Variants in LARP1 observed in about 807,000 individuals in gnomAD.
LARP1 encodes La ribonucleoprotein 1, translational regulator.
A neutral mutation model predicts 122.7 loss-of-function variants in LARP1; 36 were observed. That is an observed-to-expected ratio of 0.29 (90% CI 0.22 to 0.39). LARP1 has a LOEUF of 0.39. Ranked by LOEUF, LARP1 falls within the 10% of genes least tolerant of loss-of-function variation. LARP1 has a pLI of 1.00. For missense variants in LARP1, 1,040 were observed against 1,403.6 expected (o/e 0.74, Z 4.14); for synonymous variants, 539 against 528.7 (o/e 1.02, Z -0.27).
chr5:154,771,015 G>A (rs73276760), intron 1 of LARP1, among the ~76,000 whole-genome samples: 7,807 of 151,980 alleles, frequency 0.051, 353 homozygotes, highest in African/African-American at 0.13. Flanking sequence ...GGGTGGCTGA[G>A]GTGAGAGAGT....
intron 8 of LARP1, among the ~76,000 whole-genome samples, chr5:154,796,958 A>G (rs573724201): frequency 6.6e-6 from 1 of 152,180 alleles, no homozygotes; most frequent in Admixed American, 6.5e-5. Context: ...AAACGTATTT[A>G]TTTTGGTCCA....
intron 17 of LARP1, 61 bp downstream of exon 17, chr5:154,811,417 G>A (rs1759261207): frequency 1.2e-6 from 2 of 1,605,012 alleles, no homozygotes; most frequent in African/African-American, 1.3e-5. Flanking sequence ...TTCCCCAGTT[G>A]GACCTGGGTC....
At position 154,800,044 on chromosome 5, in the gene LARP1, T is replaced by A. The variant is rs1263502846; in HGVS notation, c.1716+2T>A. On this transcript the variant is annotated splice_donor_variant, in intron 10 of 18. Coordinates refer to ENST00000518297, the MANE Select transcript of LARP1 (RefSeq NM_033551.3). LOFTEE classifies it high-confidence loss of function. ...CGGCCATCCCCAGCACGGCCCAAGG[T>A]GGGTGAGGCCTTGTCCCTTGCCTTG... 1 of 1,612,726 alleles carries A rather than the reference T, an allele frequency of 6.2e-7. No individual in the cohort carries two copies. The highest frequency in any genetic ancestry group is 8.5e-7 in the Non-Finnish European group (1 of 1,179,730).
At chr5:154,806,056 A>G in intron 15 of LARP1, 24 bp downstream of exon 15, 6 of 1,611,794 alleles carry the variant, frequency 3.7e-6, no homozygotes, top group Non-Finnish European at 4.2e-6. Context: ...GGGGCAGGAG[A>G]TGAGCCTCTG....
At chr5:154,795,857 T>C (rs910084144) in intron 8 of LARP1, among the ~76,000 whole-genome samples, 29 of 134,722 alleles carry the variant, frequency 2.2e-4, no homozygotes, top group African/African-American at 7.7e-4. Flanking sequence ...TATATATATT[T>C]TATATACATT....
chr5:154,727,172 C>T (rs1271325325), intron 1 of LARP1, among the ~76,000 whole-genome samples: 1 of 152,030 alleles, frequency 6.6e-6, no homozygotes, highest in Non-Finnish European at 1.5e-5. Flanking sequence ...GAAGAGATGA[C>T]AGAAGAGACA....
At chr5:154,797,615 A>G (rs1757990464) in intron 8 of LARP1, among the ~76,000 whole-genome samples, 1 of 150,154 alleles carries the variant, frequency 6.7e-6, no homozygotes, top group Admixed American at 6.6e-5. Flanking sequence ...CATGCCCATA[A>G]TCTTAATTCC....
intron 4 of LARP1, 32 bp from the exon 5 acceptor site, chr5:154,793,563 A>G (rs938082774): frequency 8.7e-6 from 14 of 1,613,936 alleles, no homozygotes; most frequent in Non-Finnish European, 1.1e-5. Flanking sequence ...CTCTCCCTCA[A>G]GCCTTTCTCA....
chr5:154,692,424 A>G (rs1051821398), intron 1 of LARP1, among the ~76,000 whole-genome samples: 13 of 151,986 alleles, frequency 8.6e-5, no homozygotes, highest in Admixed American at 2.6e-4. Flanking sequence ...AACACACTCA[A>G]CTCACCCTAA....
At chr5:154,703,951 C>T (rs1211388668) in intron 1 of LARP1, among the ~76,000 whole-genome samples, 1 of 152,092 alleles carries the variant, frequency 6.6e-6, no homozygotes, top group Non-Finnish European at 1.5e-5. Context: ...AATATTCATT[C>T]AACAAGCATT....
At chr5:154,792,838 A>G in intron 4 of LARP1, 42 bp downstream of exon 4, 2 of 1,595,080 alleles carry the variant, frequency 1.3e-6, no homozygotes, top group Non-Finnish European at 1.7e-6. Context: ...GTGGCAGGGT[A>G]GAACTGTGAA....
At chr5:154,706,964 G>C (rs1210671041) in intron 1 of LARP1, among the ~76,000 whole-genome samples, 1 of 151,974 alleles carries the variant, frequency 6.6e-6, no homozygotes, top group East Asian at 1.9e-4. Flanking sequence ...CCACATTTAT[G>C]GTCCCAAAAT....
At chr5:154,723,859 C>T (rs902332046) in intron 1 of LARP1, among the ~76,000 whole-genome samples, 12 of 152,162 alleles carry the variant, frequency 7.9e-5, no homozygotes, top group African/African-American at 2.9e-4. Context: ...AGATGGGGCC[C>T]TTCAGCCCCA....
intron 1 of LARP1, among the ~76,000 whole-genome samples, chr5:154,687,502 C>T (rs1462259817): frequency 6.6e-6 from 1 of 152,226 alleles, no homozygotes; most frequent in Non-Finnish European, 1.5e-5. Flanking sequence ...CTGCCTCAGC[C>T]TCCCTAGTAG....
intron 1 of LARP1, chr5:154,718,698 C>G (rs1480091571): frequency 6.6e-6 from 1 of 152,288 alleles, no homozygotes; most frequent in African/African-American, 2.4e-5. Flanking sequence ...GCTAGATCAT[C>G]TAGTACAGTA....
intron 1 of LARP1, among the ~76,000 whole-genome samples, chr5:154,746,307 G>A (rs934797741): frequency 2.6e-5 from 4 of 152,236 alleles, no homozygotes; most frequent in Admixed American, 1.3e-4. Flanking sequence ...GTTTGACTGA[G>A]CGACGGTTCT....
Position 154,814,321 on chromosome 5 carries a change from A to C in LARP1, c.*225A>C. ...CCCTCCTCTCTCCATGACTCTTGAC[A>C]TCCTAGCTTCTTCTAAGGGGGGAGG... On this transcript the variant is annotated 3_prime_UTR_variant, in exon 19 of 19. Transcript: ENST00000518297. 2 of 418,938 alleles carry C rather than the reference A, an allele frequency of 4.8e-6. No homozygotes were observed. The highest frequency in any genetic ancestry group is 8.6e-6 in the Non-Finnish European group (2 of 232,624). The allele number at this position is 418,938 out of a possible 1,614,324, so 26.0% of individuals were successfully genotyped here.
intron 1 of LARP1, among the ~76,000 whole-genome samples, chr5:154,738,419 T>C (rs1184148236): frequency 1.3e-5 from 2 of 152,052 alleles, no homozygotes; most frequent in Non-Finnish European, 2.9e-5. Flanking sequence ...TGGCGAAACC[T>C]TGTCTCTACT....
At chr5:154,773,249 TA>T (rs1020567503) in intron 1 of LARP1, among the ~76,000 whole-genome samples, 10 of 152,134 alleles carry the variant, frequency 6.6e-5, no homozygotes, top group African/African-American at 2.2e-4. Context: ...AAACTATGGC[TA>T]GGGGGGCAGG....
Sources: gnomAD v4.1 joint callset for allele counts (sites outside exome capture counted in the v4.1 genomes callset) on GRCh38, gnomAD v4.1.1 for gene constraint, MANE v1.5 for transcripts, NCBI Gene and HGNC (gene_info 2026-07-23, HGNC 2026-07-21) for gene names.